ZNF385B: variants seen among roughly 807,000 people sequenced by gnomAD.
ZNF385B encodes zinc finger protein 533.
A neutral mutation model predicts 39.2 loss-of-function variants in ZNF385B; 23 were observed. The ratio of observed to expected loss-of-function variants is 0.59; its 90% CI spans 0.42 to 0.83. The LOEUF (loss-of-function observed/expected upper bound fraction) is 0.83, where lower values mean the gene tolerates loss of function less well. Among genes scored for constraint, ZNF385B ranks in the 40% least tolerant of loss-of-function variants. The probability of loss-of-function intolerance (pLI) is 0.00; values close to 1 mark genes in which losing one functional copy is unlikely to be tolerated. For synonymous variants in ZNF385B, 205 were observed against 222.6 expected (o/e 0.92, Z 0.70); for missense variants, 552 against 598.9 (o/e 0.92, Z 0.82).
intron 4 of ZNF385B, among the ~76,000 whole-genome samples, chr2:179,537,377 G>A (rs1008074156): frequency 6.6e-6 from 1 of 151,700 alleles, no homozygotes; most frequent in African/African-American, 2.4e-5. Flanking sequence ...GGACACAATA[G>A]TGCAGATGGT....
chr2:179,697,591 G>C lies in ZNF385B; in HGVS notation c.298+71912C>G, dbSNP rs76875666. On this transcript the variant is annotated intron_variant, in intron 3 of 9. Coordinates refer to ENST00000410066, the MANE Select transcript of ZNF385B (RefSeq NM_152520.6). Reference sequence around the variant, plus strand: ...ATGTGAGAATGGACTAATACAGTAAGCTAAGGCTTTTGGCTTTCTCCACAG... The same window carrying C: ...ATGTGAGAATGGACTAATACAGTAACCTAAGGCTTTTGGCTTTCTCCACAG... 2.4e-3 allele frequency among the ~76,000 whole-genome samples: 360 copies of C among 152,290 alleles called. 1 individual carries two copies. Among genetic ancestry groups the C allele is most frequent in the African/African-American group, 8.1e-3 (337 of 41,554 alleles).
chr2:179,647,740 T>A (rs1206999464), intron 3 of ZNF385B, among the ~76,000 whole-genome samples: 1 of 152,130 alleles, frequency 6.6e-6, no homozygotes, highest in Non-Finnish European at 1.5e-5. Context: ...CACTAATCAC[T>A]GATTACTCTC....
At chr2:179,507,825 A>T (rs1347811087) in intron 5 of ZNF385B, among the ~76,000 whole-genome samples, 1 of 152,100 alleles carries the variant, frequency 6.6e-6, no homozygotes, top group East Asian at 1.9e-4. Context: ...GGCTAAGGTG[A>T]TACTTCCTCA....
chr2:179,536,012 C>T (rs138646770), intron 4 of ZNF385B, among the ~76,000 whole-genome samples: 2 of 152,294 alleles, frequency 1.3e-5, no homozygotes, highest in Non-Finnish European at 2.9e-5. Flanking sequence ...AGGCCACTAT[C>T]ACTGATTAAA....
intron 3 of ZNF385B, among the ~76,000 whole-genome samples, chr2:179,724,152 T>C (rs1309168686): frequency 6.6e-6 from 1 of 151,692 alleles, no homozygotes; most frequent in African/African-American, 2.4e-5. Flanking sequence ...CTACGAAAAA[T>C]ACAAAAATTC....
At chr2:179,474,159 G>T (rs2053157470) in intron 6 of ZNF385B, among the ~76,000 whole-genome samples, 1 of 151,226 alleles carries the variant, frequency 6.6e-6, no homozygotes, top group African/African-American at 2.4e-5. Flanking sequence ...ACACATTTCT[G>T]GGATGTCAGA....
chr2:179,584,166 G>A (rs1686838354), intron 3 of ZNF385B: 1 of 391,462 alleles, frequency 2.6e-6, no homozygotes, highest in Non-Finnish European at 5.1e-6. Flanking sequence ...AGTGTTGTGG[G>A]GTGCTATGCA....
At chr2:179,676,546 T>C (rs1448355978) in intron 3 of ZNF385B, among the ~76,000 whole-genome samples, 2 of 152,090 alleles carry the variant, frequency 1.3e-5, no homozygotes, top group African/African-American at 2.4e-5. Flanking sequence ...ATGATGAGAT[T>C]TGAGTTCTGA....
intron 3 of ZNF385B, among the ~76,000 whole-genome samples, chr2:179,682,548 T>C (rs1387599518): frequency 1.3e-5 from 2 of 152,228 alleles, no homozygotes; most frequent in Non-Finnish European, 2.9e-5. Context: ...TAACTCTGTC[T>C]CTGAACAAAT....
At chr2:179,769,068 C>T (rs984539336) in intron 3 of ZNF385B, among the ~76,000 whole-genome samples, 1 of 152,282 alleles carries the variant, frequency 6.6e-6, no homozygotes, top group East Asian at 1.9e-4. Flanking sequence ...TCCTGCATCA[C>T]AGGATGTTAT....
chr2:179,492,843 T>C (rs1232506106), intron 5 of ZNF385B, among the ~76,000 whole-genome samples: 2 of 151,922 alleles, frequency 1.3e-5, no homozygotes, highest in African/African-American at 4.8e-5. Context: ...TAAGAGAAAA[T>C]AATGAAAACA....
At chr2:179,803,129 A>G (rs1222776631) in intron 1 of ZNF385B, among the ~76,000 whole-genome samples, 1 of 152,198 alleles carries the variant, frequency 6.6e-6, no homozygotes. Flanking sequence ...TAACTTGCCC[A>G]AAGTCATACA....
At chr2:179,551,251 C>T (rs1020882796) in intron 3 of ZNF385B, among the ~76,000 whole-genome samples, 1 of 152,000 alleles carries the variant, frequency 6.6e-6, no homozygotes, top group African/African-American at 2.4e-5. Flanking sequence ...ATGAAATACA[C>T]ATATATAAGC....
chr2:179,716,854 C>A (rs1205182367), intron 3 of ZNF385B, among the ~76,000 whole-genome samples: 1 of 152,162 alleles, frequency 6.6e-6, no homozygotes, highest in East Asian at 1.9e-4. Flanking sequence ...ATGAAGAGAC[C>A]ACATAGCTGA....
intron 3 of ZNF385B, among the ~76,000 whole-genome samples, chr2:179,566,909 CT>C (rs997538948): frequency 1.4e-5 from 2 of 144,970 alleles, no homozygotes; most frequent in Non-Finnish European, 3.0e-5. Context: ...TTTTTCTTTT[CT>C]TTTCTTTTTT....
chr2:179,461,538 C>T (rs1257729735), intron 6 of ZNF385B, among the ~76,000 whole-genome samples: 1 of 152,170 alleles, frequency 6.6e-6, no homozygotes. Flanking sequence ...TGGGTGATGT[C>T]ATTTACTAAG....
At chr2:179,789,501 A>C (rs909090339) in intron 1 of ZNF385B, among the ~76,000 whole-genome samples, 3 of 152,308 alleles carry the variant, frequency 2.0e-5, no homozygotes, top group Middle Eastern at 3.4e-3. Context: ...TCACCTAGGG[A>C]CTATAGAGAA....
intron 6 of ZNF385B, among the ~76,000 whole-genome samples, chr2:179,473,011 C>T (rs1314339169): frequency 6.6e-6 from 1 of 152,154 alleles, no homozygotes; most frequent in East Asian, 1.9e-4. Context: ...CCAGAGCTTC[C>T]CTCTTGCATG....
intron 1 of ZNF385B, among the ~76,000 whole-genome samples, chr2:179,797,043 A>T (rs1342302618): frequency 6.6e-6 from 1 of 152,146 alleles, no homozygotes; most frequent in Non-Finnish European, 1.5e-5. Flanking sequence ...TTATGAATGT[A>T]CTTTTGGGAA....
Sources: allele counts gnomAD v4.1 joint callset (sites outside exome capture counted in the v4.1 genomes callset), GRCh38; gene constraint gnomAD v4.1.1; transcripts MANE v1.5; gene names NCBI Gene and HGNC (gene_info 2026-07-23, HGNC 2026-07-21).